Variants in KANSL1L observed in about 807,000 individuals in gnomAD.
KANSL1L encodes KAT8 regulatory NSL complex subunit 1-like protein.
In KANSL1L, 25 loss-of-function variants were observed where a neutral mutation model predicts 108.6. The ratio of observed to expected loss-of-function variants is 0.23; its 90% confidence interval spans 0.17 to 0.32. The LOEUF (loss-of-function observed/expected upper bound fraction) is 0.32, where lower values mean the gene tolerates loss of function less well. Among genes scored for constraint, KANSL1L ranks in the 10% least tolerant of loss-of-function variants. The pLI is 1.00. For synonymous variants in KANSL1L, 405 were observed against 395.1 expected (o/e 1.03, Z -0.30); for missense variants, 1,137 against 1,125.7 (o/e 1.01, Z -0.14).
chr2:210,162,400 T>C (rs981159321), intron 1 of KANSL1L, among the ~76,000 whole-genome samples: 4 of 151,774 alleles, frequency 2.6e-5, no homozygotes, highest in Non-Finnish European at 4.4e-5. Flanking sequence ...TGCTATTTTC[T>C]GACCTAAGGG....
At chr2:210,096,606 A>C in intron 5 of KANSL1L, 1 of 985,364 alleles carries the variant, frequency 1.0e-6, no homozygotes, top group African/African-American at 1.7e-5. Context: ...CCAAATCACA[A>C]TGCTTATACA....
rs80332418 is a variant in KANSL1L at position 210,138,568 on chromosome 2, A to T, written c.1089-9396T>A. On this transcript the variant is annotated intron_variant, in intron 2 of 14. Transcript: ENST00000281772. The stretch of plus-strand genomic sequence containing the variant: ...GTTTAGATTTGTCTAAGGAAGCTTA[A>T]CATTGGGACTTACGCTTTTTAAAAA... 4.5e-4 allele frequency among the ~76,000 whole-genome samples: 69 copies of T among 152,380 alleles called. 1 individual carries two copies. In the East Asian group the frequency reaches 0.011, roughly 25 times the overall value.
At chr2:210,128,915 CAT>C (rs1367045793) in intron 3 of KANSL1L, 114 bp downstream of exon 3, 1 of 788,010 alleles carries the variant, frequency 1.3e-6, no homozygotes, top group Non-Finnish European at 1.9e-6. Flanking sequence ...AAAATTTTAA[CAT>C]AAACTGGCTA....
intron 2 of KANSL1L, among the ~76,000 whole-genome samples, chr2:210,146,590 A>G (rs1025622038): frequency 2.0e-5 from 3 of 152,206 alleles, no homozygotes; most frequent in African/African-American, 2.4e-5. Flanking sequence ...AGTGACACAT[A>G]TTATATAGAA....
In KANSL1L at chr2:210,085,749, TATG is replaced by T. The variant is rs1258414100; in HGVS notation, c.1551-9996_1551-9994del. ...ATATTTCAATATAAGCATGTTTCCA[TATG>T]ATTATATATTTTCTACATACATAAT... On this transcript the variant is annotated intron_variant, in intron 5 of 14. Coordinates refer to ENST00000281772, the MANE Select transcript of KANSL1L (RefSeq NM_152519.4). Among the ~76,000 whole-genome samples the T allele has an allele frequency of 8.6e-5, 13 of 151,808 alleles. 1 individual carries two copies. Among genetic ancestry groups the T allele is most frequent in the Admixed American group, 8.5e-4 (13 of 15,236 alleles).
At chr2:210,157,927 T>A (rs1259317276) in intron 1 of KANSL1L, among the ~76,000 whole-genome samples, 1 of 151,716 alleles carries the variant, frequency 6.6e-6, no homozygotes, top group Non-Finnish European at 1.5e-5. Context: ...CAGATTAGTA[T>A]TTAAGAAATA....
intron 6 of KANSL1L, among the ~76,000 whole-genome samples, chr2:210,054,409 T>C (rs971448689): frequency 6.6e-6 from 1 of 152,142 alleles, no homozygotes; most frequent in African/African-American, 2.4e-5. Flanking sequence ...TTTAATAATT[T>C]ACTGTGTTAT....
intron 8 of KANSL1L, among the ~76,000 whole-genome samples, chr2:210,036,879 C>T (rs1469673356): frequency 3.3e-5 from 5 of 152,094 alleles, no homozygotes; most frequent in Admixed American, 3.3e-4. Context: ...GCCTCAGCCT[C>T]CCAAGTAGCT....
At position 210,154,543 on chromosome 2, in the gene KANSL1L, T is replaced by G; in HGVS notation, c.40A>C (p.Ser14Arg). The change falls in exon 2 of 15, where the codon AGC becomes CGC. Residue 14 changes from serine (S) to arginine (R), a missense_variant. Transcript: ENST00000281772. ...ALREATAKGISFSSLPSTMES... is the reference protein window; with the variant it reads ...ALREATAKGIRFSSLPSTMES... ...ATGGTACTTGGCAAAGATGAAAAGC[T>G]GATACCCTTTGCTGTTGCCTCCCTC... The G allele has an allele frequency of 6.4e-7, 1 of 1,563,914 alleles. No homozygotes were observed. Among genetic ancestry groups the G allele is most frequent in the South Asian group, 1.2e-5 (1 of 82,262 alleles).
At chr2:210,124,881 C>T (rs1271202840) in intron 3 of KANSL1L, among the ~76,000 whole-genome samples, 2 of 151,774 alleles carry the variant, frequency 1.3e-5, no homozygotes, top group Non-Finnish European at 2.9e-5. Flanking sequence ...AATACTATAC[C>T]AACAAATTAA....
intron 6 of KANSL1L, among the ~76,000 whole-genome samples, chr2:210,066,216 G>A (rs1367418130): frequency 6.6e-6 from 1 of 152,192 alleles, no homozygotes; most frequent in Non-Finnish European, 1.5e-5. Context: ...GGCACAGAGA[G>A]TGAAGGAAGC....
rs186886869 is a variant in KANSL1L at position 210,170,312 on chromosome 2, G to A, written c.-30+837C>T. ...AGAACATGAATGTCCTGAAGTTTGG[G>A]GAATCAAAAACGGAATGTGCTTACC... On this transcript the variant is annotated intron_variant, in intron 1 of 14. Transcript: ENST00000281772. 1.5e-3 allele frequency: 1,431 copies of A among 967,800 alleles called. 1 individual carries two copies. Among genetic ancestry groups the A allele is most frequent in the Middle Eastern group, 6.9e-3 (13 of 1,882 alleles). 60.0% of individuals were successfully genotyped at this position (967,800 alleles called of 1,614,324 possible).
At chr2:210,031,327 C>G (rs989716481) in intron 9 of KANSL1L, 94 bp downstream of exon 9, 11 of 816,562 alleles carry the variant, frequency 1.3e-5, no homozygotes, top group Admixed American at 1.0e-4. Context: ...AGTGGCTGTT[C>G]TGGATTATAA....
chr2:210,033,892 C>T (rs1445605067), intron 8 of KANSL1L, among the ~76,000 whole-genome samples: 1 of 151,984 alleles, frequency 6.6e-6, no homozygotes. Context: ...CATTTATTTT[C>T]CTTCTAATTC....
At chr2:210,067,533 G>A (rs2094474870) in intron 6 of KANSL1L, among the ~76,000 whole-genome samples, 1 of 151,662 alleles carries the variant, frequency 6.6e-6, no homozygotes, top group Non-Finnish European at 1.5e-5. Flanking sequence ...CCCCATCTCT[G>A]CAAAAAATAT....
At chr2:210,096,892 A>C (rs1429733000) in intron 5 of KANSL1L, 7 of 414,598 alleles carry the variant, frequency 1.7e-5, no homozygotes, top group Admixed American at 1.3e-4. Context: ...AGATGTTCAA[A>C]ATAACCAATT....
At chr2:210,079,731 T>A (rs1290093874) in intron 5 of KANSL1L, 5 of 136,940 alleles carry the variant, frequency 3.7e-5, no homozygotes, top group African/African-American at 8.2e-5. Flanking sequence ...TATATGGTTA[T>A]CATTGTACTT....
intron 3 of KANSL1L, 75 bp from the exon 4 acceptor site, chr2:210,104,376 T>C (rs1483533333): frequency 4.1e-6 from 4 of 980,358 alleles, no homozygotes; most frequent in African/African-American, 3.3e-5. Context: ...TACAATGCAC[T>C]TGAATCTATG....
intron 6 of KANSL1L, among the ~76,000 whole-genome samples, chr2:210,055,467 G>A (rs926160783): frequency 3.3e-5 from 5 of 152,210 alleles, no homozygotes; most frequent in African/African-American, 9.6e-5. Context: ...GGGCCCAGAA[G>A]AGAACAGAAA....
Sources: gnomAD v4.1 joint callset for allele counts (sites outside exome capture counted in the v4.1 genomes callset) on GRCh38, gnomAD v4.1.1 for gene constraint, MANE v1.5 for transcripts, NCBI Gene and HGNC (gene_info 2026-07-23, HGNC 2026-07-21) for gene names.